The following GHRH variants were observed in gnomAD, a reference collection of about 807,000 sequenced individuals.
The protein encoded by GHRH is growth hormone releasing hormone.
In GHRH, 7 loss-of-function variants were observed where a neutral mutation model predicts 15.6. The ratio of observed to expected loss-of-function variants is 0.45; its 90% CI spans 0.26 to 0.84. The LOEUF (loss-of-function observed/expected upper bound fraction) is 0.84, where lower values mean the gene tolerates loss of function less well. Among genes scored for constraint, GHRH ranks in the 40% least tolerant of loss-of-function variants. The pLI is 0.18. For missense variants in GHRH, 117 were observed against 138.0 expected, an observed-to-expected ratio of 0.85 and a Z score of 0.76; for synonymous variants, 54 against 50.4, an observed-to-expected ratio of 1.07 and a Z score of -0.30.
At chr20:37,253,853 C>T (rs1200030971) in intron 4 of GHRH, among the ~76,000 whole-genome samples, 7 of 152,256 alleles carry the variant, frequency 4.6e-5, no homozygotes, top group Middle Eastern at 3.4e-3. Context: ...CAGCTTCAAG[C>T]GATTCTCCTG....
intron 3 of GHRH, among the ~76,000 whole-genome samples, chr20:37,255,010 A>G (rs1472902694): frequency 1.3e-5 from 2 of 152,166 alleles, no homozygotes; most frequent in Non-Finnish European, 2.9e-5. Flanking sequence ...TTATATTATG[A>G]TTATGTAAGG....
At chr20:37,254,074 A>T (rs2068640069) in intron 4 of GHRH, 136 bp downstream of exon 4, 1 of 865,728 alleles carries the variant, frequency 1.2e-6, no homozygotes. Context: ...AATGTCTGTC[A>T]GGAGGGTCCT....
chr20:37,256,729 G>T, intron 2 of GHRH, 78 bp downstream of exon 2: 1 of 1,155,286 alleles, frequency 8.7e-7, no homozygotes, highest in Non-Finnish European at 1.3e-6. Context: ...CTGATGGGCT[G>T]AGTCTGCATT....
intron 1 of GHRH, among the ~76,000 whole-genome samples, chr20:37,261,446 G>A (rs145385622): frequency 3.7e-4 from 57 of 152,270 alleles, no homozygotes; most frequent in East Asian, 3.3e-3. Flanking sequence ...GTTTGCCCCC[G>A]AAGCCTGCCC....
At position 37,256,846 on chromosome 20, in the gene GHRH, T is replaced by TTGCTG; in HGVS notation, c.39_43dup (p.Asn15ThrfsTer13). The TTGCTG allele has an allele frequency of 6.2e-7, 1 of 1,613,098 alleles. No homozygotes were observed. Among genetic ancestry groups the TTGCTG allele is most frequent in the South Asian group, 1.1e-5 (1 of 90,722 alleles). On this transcript the variant is annotated frameshift_variant, in exon 2 of 5. Transcript: ENST00000373614. LOFTEE classifies it high-confidence loss of function. ...GGGAGGTGGGGAGCAGTGGGAGCTG[T>TTGCTG]TGCTGAGGGTGAGGATCACAAAGAA...
chr20:37,256,522 A>G, intron 2 of GHRH, 24 bp from the exon 3 acceptor site: 2 of 1,513,180 alleles, frequency 1.3e-6, no homozygotes, highest in Non-Finnish European at 1.8e-6. Context: ...GTCAGGGGTC[A>G]GAGGGCGGGG....
At chr20:37,253,339 C>A (rs1227172554) in intron 4 of GHRH, among the ~76,000 whole-genome samples, 1 of 152,214 alleles carries the variant, frequency 6.6e-6, no homozygotes, top group Non-Finnish European at 1.5e-5. Flanking sequence ...TGTGGGAGGG[C>A]TGGTCTGTCT....
intron 4 of GHRH, among the ~76,000 whole-genome samples, chr20:37,251,439 A>G (rs1460101912): frequency 7.4e-6 from 1 of 135,786 alleles, no homozygotes; most frequent in Non-Finnish European, 1.6e-5. Context: ...TCTGCCAGCC[A>G]ACTCCCACCG....
intron 4 of GHRH, among the ~76,000 whole-genome samples, chr20:37,252,821 C>G (rs991423388): frequency 6.6e-6 from 1 of 152,140 alleles, no homozygotes; most frequent in Admixed American, 6.5e-5. Context: ...GGTGGATCAC[C>G]TGAGGTCAGG....
intron 2 of GHRH, 66 bp from the exon 3 acceptor site, chr20:37,256,564 C>A: frequency 1.0e-6 from 1 of 997,416 alleles, no homozygotes. Flanking sequence ...GTCGTGGCTG[C>A]ACTCGCCATG....
rs1017557904 is a variant in GHRH, at chr20:37,258,877, C to T, written c.-19-1969G>A. Among the ~76,000 whole-genome samples the T allele has an allele frequency of 1.3e-4, 20 of 152,162 alleles. No individual in the cohort carries two copies. Among genetic ancestry groups the T allele is most frequent in the Non-Finnish European group, 1.3e-4 (9 of 68,028 alleles). On this transcript the variant is annotated intron_variant, in intron 1 of 4. Transcript: ENST00000373614. The surrounding 1 kb of genome is among the most constrained non-coding windows in gnomAD (Gnocchi z 4.1). ...GCCTCAGCCTCCTGAGTAGCTGGGA[C>T]AGCAGGCATGTGCCATCATGCCCAG...
Position 37,258,210 on chromosome 20 carries a change from C to T in GHRH, c.-19-1302G>A, listed in dbSNP as rs573943781. ...CACGGCTGGCCTCGGGGGACTTGGCCACCTAGGAATTGGGTCCTCCCATCT... is the reference window on the plus strand; with the variant it reads ...CACGGCTGGCCTCGGGGGACTTGGCTACCTAGGAATTGGGTCCTCCCATCT... On this transcript the variant is annotated intron_variant, in intron 1 of 4. Transcript: ENST00000373614. This position sits in a 1 kb window ranked among gnomAD's most constrained non-coding sequence, Gnocchi z 4.1. Among the ~76,000 whole-genome samples, 96 of 152,334 alleles carry T rather than the reference C, an allele frequency of 6.3e-4. No individual in the cohort carries two copies. Among genetic ancestry groups the T allele is most frequent in the African/African-American group, 2.2e-3 (93 of 41,578 alleles).
At chr20:37,255,513 T>C (rs1212989587) in intron 3 of GHRH, among the ~76,000 whole-genome samples, 1 of 151,362 alleles carries the variant, frequency 6.6e-6, no homozygotes, top group Non-Finnish European at 1.5e-5. Flanking sequence ...TACAAAAAAT[T>C]AGCTGGGCAT....
chr20:37,260,246 C>T (rs868348679), intron 1 of GHRH, among the ~76,000 whole-genome samples: 1 of 152,088 alleles, frequency 6.6e-6, no homozygotes. Context: ...AACCTCTGAG[C>T]TATGAGAACC....
chr20:37,251,167 C>G lies in GHRH; in HGVS notation c.*46G>C. 2.8e-6 allele frequency: 4 copies of G among 1,445,794 alleles called. No individual in the cohort carries two copies. The East Asian group carries it at 9.6e-5, about 35-fold the overall frequency. 89.6% of individuals were successfully genotyped at this position (1,445,794 alleles called of 1,614,324 possible). On this transcript the variant is annotated 3_prime_UTR_variant, in exon 5 of 5. Transcript: ENST00000373614. Reference sequence around the variant, plus strand: ...TCAGAAATGAGAGGATTAACTGGATCCAGTTGCATTTTGGCTACAGGTAGC... The same window carrying G: ...TCAGAAATGAGAGGATTAACTGGATGCAGTTGCATTTTGGCTACAGGTAGC...
intron 4 of GHRH, among the ~76,000 whole-genome samples, chr20:37,253,040 A>G (rs550009213): frequency 6.6e-6 from 1 of 152,310 alleles, no homozygotes; most frequent in African/African-American, 2.4e-5. Context: ...CTCAACAACA[A>G]CAACAAATCA....
At chr20:37,255,986 A>G (rs891565721) in intron 3 of GHRH, among the ~76,000 whole-genome samples, 1 of 152,126 alleles carries the variant, frequency 6.6e-6, no homozygotes, top group Non-Finnish European at 1.5e-5. Context: ...TGATCATTCC[A>G]CTGTACTCCA....
At chr20:37,254,028 G>C (rs1213172201) in intron 4 of GHRH, among the ~76,000 whole-genome samples, 182 bp downstream of exon 4, 1 of 152,206 alleles carries the variant, frequency 6.6e-6, no homozygotes, top group East Asian at 1.9e-4. Context: ...TGGGATTACA[G>C]GTGAGCCACC....
At chr20:37,252,785 T>A (rs1344211778) in intron 4 of GHRH, among the ~76,000 whole-genome samples, 1 of 152,024 alleles carries the variant, frequency 6.6e-6, no homozygotes, top group Non-Finnish European at 1.5e-5. Context: ...GTGCCTGTAA[T>A]CCCAGCACTT....
Sources: gnomAD v4.1 joint callset for allele counts (sites outside exome capture counted in the v4.1 genomes callset) on GRCh38, gnomAD v4.1.1 for gene constraint, Gnocchi (gnomAD v3.1) non-coding constraint, MANE v1.5 for transcripts, NCBI Gene and HGNC (gene_info 2026-07-23, HGNC 2026-07-21) for gene names.